Variants in PLSCR4 observed in about 807,000 individuals in gnomAD.
The protein encoded by PLSCR4 is phospholipid scramblase 4, also known as Ca(2+)-dependent phospholipid scramblase 4.
Under a neutral mutation model 36.3 loss-of-function variants are expected in PLSCR4, and 25 were observed. The observed-to-expected ratio is 0.69, with a 90% CI of 0.50 to 0.96. PLSCR4 has a LOEUF of 0.96. Among genes scored for constraint, PLSCR4 ranks in the 40% least tolerant of loss-of-function variants. The pLI, the probability that PLSCR4 is intolerant of heterozygous loss-of-function variation, is 0.00. For missense variants in PLSCR4, 408 were observed against 414.7 expected (o/e 0.98, Z 0.14); for synonymous variants, 122 against 132.9 (o/e 0.92, Z 0.56).
At position 146,227,355 on chromosome 3, in the gene PLSCR4, G is replaced by A. The variant is rs916932576; in HGVS notation, c.-21-5263C>T. On this transcript the variant is annotated intron_variant, in intron 1 of 8. Transcript: ENST00000354952. Reference sequence around the variant, plus strand: ...AGGAGACATGGGCTAGACAGGACAAGGTTGCTGAGATTGAGGTTTGCTGCC... The same window carrying A: ...AGGAGACATGGGCTAGACAGGACAAAGTTGCTGAGATTGAGGTTTGCTGCC... Among the ~76,000 whole-genome samples, 28 of 152,254 alleles carry A rather than the reference G, an allele frequency of 1.8e-4. No individual in the cohort carries two copies. The Middle Eastern group carries it at 0.01, about 55-fold the overall frequency.
At chr3:146,221,802 T>G (rs574196358) in intron 2 of PLSCR4, among the ~76,000 whole-genome samples, 106 of 152,248 alleles carry the variant, frequency 7.0e-4, no homozygotes, top group African/African-American at 2.5e-3. Flanking sequence ...TACCTAATTT[T>G]CCCCACAAAC....
rs756837251 is a variant in PLSCR4, at chr3:146,196,688, T to C, written c.730A>G (p.Met244Val). 11 of 1,613,898 alleles carry C rather than the reference T, an allele frequency of 6.8e-6. No individual in the cohort carries two copies. Among genetic ancestry groups the C allele is most frequent in the African/African-American group, 1.3e-5 (1 of 74,896 alleles). The change falls in exon 7 of 9, where the codon ATG (methionine) becomes GTG (valine). Residue 244 changes from methionine to valine, a missense_variant. By Grantham distance (21) the Met-to-Val change is conservative. Coordinates refer to ENST00000354952, the MANE Select transcript of PLSCR4 (RefSeq NM_020353.3). Reference protein sequence around the residue: ...SIQNEKKENVMRVRGPCSTYG... With the variant: ...SIQNEKKENVVRVRGPCSTYG... ...GTTGAGCATGGCCCACGAACTCTCA[T>C]CACATTTTCTTTCTTCTCATTTTGG...
intron 7 of PLSCR4, among the ~76,000 whole-genome samples, chr3:146,196,175 G>A (rs768854072): frequency 3.7e-4 from 56 of 151,964 alleles, no homozygotes; most frequent in Non-Finnish European, 2.2e-4. Context: ...AGTGTTATCC[G>A]ATTTCTTGAG....
At chr3:146,250,410 T>TTA (rs1440713927) in intron 1 of PLSCR4, 1 of 152,090 alleles carries the variant, frequency 6.6e-6, no homozygotes, top group African/African-American at 2.4e-5. Flanking sequence ...TCCTAAGTCT[T>TTA]TAAATATGAA....
chr3:146,194,330 A>G lies in PLSCR4; in HGVS notation c.*81T>C. The G allele has an allele frequency of 1.1e-6, 1 of 912,238 alleles. No individual in the cohort carries two copies. Among genetic ancestry groups the G allele is most frequent in the Non-Finnish European group, 1.8e-6 (1 of 553,414 alleles). 56.5% of individuals were successfully genotyped at this position (912,238 alleles called of 1,614,324 possible). On this transcript the variant is annotated 3_prime_UTR_variant, in exon 9 of 9. Coordinates refer to ENST00000354952, the MANE Select transcript of PLSCR4 (RefSeq NM_020353.3). Reference sequence around the variant, plus strand: ...ACAAAGCAAAGAAATACACTTGCAAATAACTGAGTGCTGACTGTAAGCCCA... The same window carrying G: ...ACAAAGCAAAGAAATACACTTGCAAGTAACTGAGTGCTGACTGTAAGCCCA...
intron 3 of PLSCR4, among the ~76,000 whole-genome samples, chr3:146,209,375 C>T (rs532269096): frequency 2.0e-5 from 3 of 152,066 alleles, no homozygotes; most frequent in East Asian, 3.9e-4. Context: ...AAAGAACTTA[C>T]TCATATAACC....
intron 3 of PLSCR4, among the ~76,000 whole-genome samples, chr3:146,213,239 A>G (rs971437556): frequency 3.3e-5 from 5 of 152,036 alleles, no homozygotes; most frequent in African/African-American, 1.2e-4. Context: ...TGGCCTCTAG[A>G]ATTAGCTAGG....
At chr3:146,208,016 A>G (rs1445218920) in intron 3 of PLSCR4, among the ~76,000 whole-genome samples, 6 of 152,176 alleles carry the variant, frequency 3.9e-5, no homozygotes, top group Admixed American at 1.3e-4. Flanking sequence ...GAGGCATCAC[A>G]TTACTTGATT....
chr3:146,210,143 G>A (rs1184453514), intron 3 of PLSCR4, among the ~76,000 whole-genome samples: 4 of 151,954 alleles, frequency 2.6e-5, no homozygotes, highest in Admixed American at 2.6e-4. Flanking sequence ...CAATGTAAAT[G>A]CTAATATAAA....
intron 1 of PLSCR4, among the ~76,000 whole-genome samples, chr3:146,229,730 T>G (rs189096191): frequency 1.4e-4 from 21 of 151,950 alleles, no homozygotes; most frequent in Admixed American, 8.5e-4. Context: ...GTCCACGCCA[T>G]TCTCCTGCCT....
At chr3:146,222,155 G>T (rs535281459) in intron 1 of PLSCR4, 63 bp from the exon 2 acceptor site, 3 of 533,296 alleles carry the variant, frequency 5.6e-6, no homozygotes, top group South Asian at 3.8e-5. Context: ...TTGCTACTCA[G>T]TAACACAGGT....
chr3:146,234,173 A>G (rs2107829915), intron 1 of PLSCR4, among the ~76,000 whole-genome samples: 1 of 152,268 alleles, frequency 6.6e-6, no homozygotes, highest in Non-Finnish European at 1.5e-5. Context: ...GAAGACCAGA[A>G]AAAGTACAAT....
At chr3:146,237,943 G>A (rs980451013) in intron 1 of PLSCR4, among the ~76,000 whole-genome samples, 3 of 151,200 alleles carry the variant, frequency 2.0e-5, no homozygotes, top group Non-Finnish European at 3.0e-5. Flanking sequence ...CAAACTTTTG[G>A]ATACACTAAT....
At chr3:146,232,705 T>C (rs115519770) in intron 1 of PLSCR4, among the ~76,000 whole-genome samples, 8,280 of 152,226 alleles carry the variant, frequency 0.054, 563 homozygotes, top group African/African-American at 0.16. Flanking sequence ...CCTGAAACTT[T>C]ATTGAAGTTG....
intron 1 of PLSCR4, among the ~76,000 whole-genome samples, chr3:146,233,438 G>A (rs190629350): frequency 4.6e-5 from 7 of 152,076 alleles, no homozygotes; most frequent in Admixed American, 2.0e-4. Flanking sequence ...GGGGCCCCAC[G>A]GAAAATGGGG....
chr3:146,218,098 G>A (rs936711179), intron 3 of PLSCR4, among the ~76,000 whole-genome samples: 1 of 151,914 alleles, frequency 6.6e-6, no homozygotes, highest in African/African-American at 2.4e-5. Context: ...GGAAAATAAT[G>A]GTAACAGGAA....
At position 146,192,973 on chromosome 3, in the gene PLSCR4, C is replaced by T. The variant is rs1298529784; in HGVS notation, c.*1438G>A. The T allele has an allele frequency of 1.3e-5, 2 of 151,958 alleles. No individual in the cohort carries two copies. The highest frequency in any genetic ancestry group is 2.9e-5 in the Non-Finnish European group (2 of 67,960). 9.4% of individuals were successfully genotyped at this position (151,958 alleles called of 1,614,324 possible). A position where few individuals can be genotyped will look rare whatever the true frequency, so the allele number is the denominator to read the frequency against. On this transcript the variant is annotated 3_prime_UTR_variant, in exon 9 of 9. Transcript: ENST00000354952. Reference sequence around the variant, plus strand: ...TAAGACCCTCATCTCAGAATAACCCCATCTAAGAACACTCAGGCTTTCTTT... The same window carrying T: ...TAAGACCCTCATCTCAGAATAACCCTATCTAAGAACACTCAGGCTTTCTTT...
intron 1 of PLSCR4, among the ~76,000 whole-genome samples, chr3:146,229,581 A>ATTTTGT (rs1553754684): frequency 1.1e-4 from 15 of 132,778 alleles, no homozygotes; most frequent in Admixed American, 1.1e-3. Flanking sequence ...GATTTTTATC[A>ATTTTGT]TTTTATTTTT....
chr3:146,225,581 G>C (rs1466682005), intron 1 of PLSCR4, among the ~76,000 whole-genome samples: 5 of 152,210 alleles, frequency 3.3e-5, no homozygotes, highest in African/African-American at 1.2e-4. Flanking sequence ...CGCCCCGCAG[G>C]AAGGCAGCTA....
Sources: gnomAD v4.1 joint callset for allele counts (sites outside exome capture counted in the v4.1 genomes callset) on GRCh38, gnomAD v4.1.1 for gene constraint, MANE v1.5 for transcripts, NCBI Gene and HGNC (gene_info 2026-07-23, HGNC 2026-07-21) for gene names.